DENND1B: variants seen among roughly 807,000 people sequenced by gnomAD.
DENND1B encodes DENN domain-containing protein 1B.
Under a neutral mutation model 90.1 loss-of-function variants are expected in DENND1B, and 59 were observed. The ratio of observed to expected loss-of-function variants is 0.65; its 90% CI spans 0.53 to 0.81. The LOEUF (loss-of-function observed/expected upper bound fraction) is 0.81, where lower values mean the gene tolerates loss of function less well. Ranked by LOEUF, DENND1B falls within the 40% of genes least tolerant of loss-of-function variation. The pLI, the probability that DENND1B is intolerant of heterozygous loss-of-function variation, is 0.00. For synonymous variants in DENND1B, 337 were observed against 324.6 expected (o/e 1.04, Z -0.41); for missense variants, 862 against 912.6 (o/e 0.94, Z 0.71).
At chr1:197,617,607 T>C in intron 11 of DENND1B, 52 bp downstream of exon 11, 5 of 1,322,406 alleles carry the variant, frequency 3.8e-6, no homozygotes, top group South Asian at 1.2e-5. Flanking sequence ...AATAAACAGA[T>C]AATCTAATCA....
intron 16 of DENND1B, among the ~76,000 whole-genome samples, chr1:197,550,764 T>C (rs1295276173): frequency 6.6e-6 from 1 of 151,426 alleles, no homozygotes; most frequent in Non-Finnish European, 1.5e-5. Context: ...TATACATATG[T>C]AACTAACCTG....
At chr1:197,713,749 A>T (rs1371875967) in intron 3 of DENND1B, among the ~76,000 whole-genome samples, 24 of 80,130 alleles carry the variant, frequency 3.0e-4, no homozygotes, top group East Asian at 1.3e-3. Flanking sequence ...AAAAAAAATT[A>T]AAAAAAAAAT....
chr1:197,621,794 A>G (rs900668375), intron 10 of DENND1B, among the ~76,000 whole-genome samples: 2 of 151,424 alleles, frequency 1.3e-5, no homozygotes, highest in Admixed American at 1.3e-4. Flanking sequence ...ATACCCTGAA[A>G]CTGAATAATA....
upstream of DENND1B, among the ~76,000 whole-genome samples, chr1:197,778,573 A>G (rs1657354483): frequency 6.6e-6 from 1 of 151,996 alleles, no homozygotes; most frequent in Admixed American, 6.6e-5. Flanking sequence ...GATAATAAGG[A>G]GGCTGAGGCT....
chr1:197,686,022 A>C (rs1413882169), intron 3 of DENND1B, among the ~76,000 whole-genome samples: 1 of 152,156 alleles, frequency 6.6e-6, no homozygotes, highest in African/African-American at 2.4e-5. Flanking sequence ...TTGTTTTTAC[A>C]TAACAGAAAG....
chr1:197,548,998 G>A (rs1410976660), intron 16 of DENND1B, among the ~76,000 whole-genome samples: 3 of 152,034 alleles, frequency 2.0e-5, no homozygotes, highest in Non-Finnish European at 2.9e-5. Context: ...CAATATTTAT[G>A]AGAAAAGTAC....
intron 3 of DENND1B, among the ~76,000 whole-genome samples, chr1:197,693,924 G>A (rs1001702397): frequency 4.0e-5 from 6 of 151,300 alleles, no homozygotes; most frequent in African/African-American, 1.2e-4. Context: ...GAGGCTAGCT[G>A]GTAACATATG....
chr1:197,541,118 T>C (rs1670306565), intron 18 of DENND1B, 103 bp from the exon 19 acceptor site: 3 of 1,043,578 alleles, frequency 2.9e-6, no homozygotes, highest in African/African-American at 1.6e-5. Flanking sequence ...AATATTCATA[T>C]GATTTAGAAA....
intron 20 of DENND1B, among the ~76,000 whole-genome samples, chr1:197,536,078 GAGAGGGAGAGAGGAAA>G (rs1314994685): frequency 5.3e-5 from 8 of 151,430 alleles, no homozygotes; most frequent in South Asian, 2.1e-4. Flanking sequence ...AAAAGGGACA[GAGAGGGAGAGAGGAAA>G]AGAGGGAGAG....
chr1:197,697,797 C>A (rs898311537), intron 3 of DENND1B, among the ~76,000 whole-genome samples: 1 of 151,672 alleles, frequency 6.6e-6, no homozygotes, highest in African/African-American at 2.4e-5. Flanking sequence ...GACTTTAAAC[C>A]AACAAAGATC....
intron 3 of DENND1B, among the ~76,000 whole-genome samples, chr1:197,703,605 C>A (rs774440103): frequency 9.2e-5 from 14 of 152,088 alleles, no homozygotes; most frequent in African/African-American, 3.4e-4. Flanking sequence ...AACATGAGCA[C>A]ACAAGGGAAT....
rs76533602 is a variant in DENND1B at position 197,732,998 on chromosome 1, G to A, written c.83-17924C>T. Among the ~76,000 whole-genome samples, 779 of 152,116 alleles carry A rather than the reference G, an allele frequency of 5.1e-3. 7 individuals are homozygous for A. The highest frequency in any genetic ancestry group is 0.017 in the African/African-American group (722 of 41,512). ...TTGGAAAGAGTCTTAATTATGTACCGCAGATATGCAGTGTCCTACTTCTTT... is the reference window on the plus strand; with the variant it reads ...TTGGAAAGAGTCTTAATTATGTACCACAGATATGCAGTGTCCTACTTCTTT... On this transcript the variant is annotated intron_variant, in intron 2 of 22. Coordinates refer to ENST00000620048, the MANE Select transcript of DENND1B (RefSeq NM_001195215.2).
intron 2 of DENND1B, among the ~76,000 whole-genome samples, chr1:197,748,405 T>A (rs1023396571): frequency 6.6e-6 from 1 of 152,164 alleles, no homozygotes; most frequent in Non-Finnish European, 1.5e-5. Context: ...GATATCTATA[T>A]CCTAATGCCT....
chr1:197,728,488 A>G (rs1266291354), intron 2 of DENND1B, among the ~76,000 whole-genome samples: 2 of 152,162 alleles, frequency 1.3e-5, no homozygotes, highest in Non-Finnish European at 2.9e-5. Context: ...CCAACACTGA[A>G]TCATATCCCT....
chr1:197,604,536 C>A (rs560001804), intron 13 of DENND1B, among the ~76,000 whole-genome samples: 1 of 151,210 alleles, frequency 6.6e-6, no homozygotes, highest in East Asian at 1.9e-4. Context: ...TTTGAACAGC[C>A]AAGACCACTG....
chr1:197,669,088 G>A (rs1655229020), intron 5 of DENND1B, among the ~76,000 whole-genome samples: 2 of 152,036 alleles, frequency 1.3e-5, no homozygotes, highest in South Asian at 4.2e-4. Flanking sequence ...TGCTTATTAT[G>A]TATTTTGGCT....
intron 5 of DENND1B, among the ~76,000 whole-genome samples, chr1:197,670,080 A>C (rs1244693177): frequency 6.7e-6 from 1 of 148,300 alleles, no homozygotes; most frequent in East Asian, 2.0e-4. Flanking sequence ...GTCGATATGG[A>C]CATTATATTA....
At position 197,691,642 on chromosome 1, in the gene DENND1B, G is replaced by C. The variant is rs371963719; in HGVS notation, c.127-17473C>G. 5.9e-5 allele frequency among the ~76,000 whole-genome samples: 9 copies of C among 152,068 alleles called. No homozygotes were observed. The South Asian group carries it at 1.0e-3, about 18-fold the overall frequency. On this transcript the variant is annotated intron_variant, in intron 3 of 22. Transcript: ENST00000620048. ...AAATAACTGAAATCAGGATCATAAA[G>C]GGATATTTGCTCTTCCATGTTCTCT...
At chr1:197,757,049 A>C (rs1042299062) in intron 2 of DENND1B, among the ~76,000 whole-genome samples, 1 of 151,374 alleles carries the variant, frequency 6.6e-6, no homozygotes, top group Non-Finnish European at 1.5e-5. Context: ...AAACAAAAGA[A>C]TCTATTTCTT....
Sources: allele counts gnomAD v4.1 joint callset (sites outside exome capture counted in the v4.1 genomes callset), GRCh38; gene constraint gnomAD v4.1.1; transcripts MANE v1.5; gene names NCBI Gene and HGNC (gene_info 2026-07-23, HGNC 2026-07-21).